The following TANC2 variants were observed in gnomAD, a reference collection of about 807,000 sequenced individuals.
TANC2 encodes tetratricopeptide repeat, ankyrin repeat and coiled-coil containing 2.
Under a neutral mutation model 210.5 loss-of-function variants are expected in TANC2, and 26 were observed. The observed-to-expected ratio is 0.12, with a 90% CI of 0.09 to 0.17. TANC2 has a LOEUF of 0.17. TANC2 is among the 10% of genes least tolerant of loss of function. The pLI is 1.00. For missense variants in TANC2, 2,129 were observed against 2,608.9 expected (o/e 0.82, Z 4.01); for synonymous variants, 931 against 967.1 (o/e 0.96, Z 0.69).
intron 5 of TANC2, among the ~76,000 whole-genome samples, chr17:63,156,420 G>GA (rs11373026): frequency 0.23 from 32,961 of 142,002 alleles, 3,712 homozygotes; most frequent in South Asian, 0.32. Context: ...GGTTGAAATG[G>GA]AAAAAAAAAA....
At chr17:63,139,535 G>A (rs2145295774) in intron 4 of TANC2, among the ~76,000 whole-genome samples, 1 of 152,308 alleles carries the variant, frequency 6.6e-6, no homozygotes, top group Admixed American at 6.5e-5. Context: ...GATCCTGACA[G>A]GTGGAGGTTA....
rs541113886 is a variant in TANC2 at position 63,304,975 on chromosome 17, G to A, written c.1160-9413G>A. ...GCCTGGAGCTATAGAGATGGCTGCC[G>A]CCCATCCCCTGCCCAGGGAGCTTAG... On this transcript the variant is annotated intron_variant, in intron 9 of 27. Coordinates refer to ENST00000689528, the Ensembl canonical transcript of TANC2. Among the ~76,000 whole-genome samples, 5 of 152,328 alleles carry A rather than the reference G, an allele frequency of 3.3e-5. No homozygotes were observed. In the East Asian group the frequency reaches 7.7e-4, roughly 24 times the overall value.
rs551829357 is a variant in TANC2 at position 63,053,504 on chromosome 17, A to G, written c.68-20439A>G. 1.1e-3 allele frequency among the ~76,000 whole-genome samples: 171 copies of G among 152,284 alleles called. 2 individuals carry two copies. The highest frequency in any genetic ancestry group is 3.8e-3 in the African/African-American group (158 of 41,550). ...TATTCTCCCCAGGCTTTCAGCCTCT[A>G]CATGTTCGATTCCACACCAAGTCTT... On this transcript the variant is annotated intron_variant, in intron 2 of 27. Transcript: ENST00000689528.
intron 9 of TANC2, among the ~76,000 whole-genome samples, chr17:63,296,841 C>T (rs1005772961): frequency 1.3e-5 from 2 of 151,380 alleles, no homozygotes; most frequent in East Asian, 1.9e-4. Context: ...ATAGTGAACT[C>T]GAAGATAAAC....
At chr17:63,287,547 T>A (rs1025914207) in intron 9 of TANC2, among the ~76,000 whole-genome samples, 15 of 152,202 alleles carry the variant, frequency 9.9e-5, no homozygotes, top group Non-Finnish European at 1.5e-5. Flanking sequence ...GAAATGTTAT[T>A]TGCAGACAAT....
At chr17:63,215,295 C>T (rs1306148169) in intron 7 of TANC2, among the ~76,000 whole-genome samples, 2 of 152,308 alleles carry the variant, frequency 1.3e-5, no homozygotes, top group East Asian at 3.9e-4. Flanking sequence ...ATTCCATCAA[C>T]CAACTTGACC....
chr17:63,050,538 T>A (rs1289615286), intron 2 of TANC2, among the ~76,000 whole-genome samples: 3 of 151,900 alleles, frequency 2.0e-5, no homozygotes, highest in Non-Finnish European at 4.4e-5. Context: ...TAATACAGAT[T>A]AAAAAGTGAG....
intron 4 of TANC2, among the ~76,000 whole-genome samples, chr17:63,117,633 G>A (rs2038303614): frequency 6.6e-6 from 1 of 152,198 alleles, no homozygotes; most frequent in Admixed American, 6.5e-5. Flanking sequence ...AGAGCTGGCT[G>A]GAGATTAAAG....
rs61618260 is a variant in TANC2 at position 63,332,951 on chromosome 17, C to T, written c.1576-7150C>T. On this transcript the variant is annotated intron_variant, in intron 11 of 27. Coordinates refer to ENST00000689528, the Ensembl canonical transcript of TANC2. ...CATGGTTTACTGATTATTTTAAGCC[C>T]ACTATTGAGATCTACACAGAAAAAA... Among the ~76,000 whole-genome samples the T allele has an allele frequency of 8.2e-3, 616 of 74,938 alleles. 2 individuals are homozygous for T. The highest frequency in any genetic ancestry group is 0.031 in the African/African-American group (581 of 18,850). 49.2% of individuals were successfully genotyped at this position (74,938 alleles called of 152,430 possible).
chr17:63,406,391 T>C, intron 21 of TANC2, 114 bp downstream of exon 21: 2 of 1,475,386 alleles, frequency 1.4e-6, no homozygotes, highest in Non-Finnish European at 1.8e-6. Flanking sequence ...ATCCAGTTGG[T>C]TGGAAAATGA....
At chr17:63,353,807 GT>G (rs1598924387) in intron 13 of TANC2, among the ~76,000 whole-genome samples, 3 of 152,308 alleles carry the variant, frequency 2.0e-5, no homozygotes, top group Admixed American at 1.3e-4. Context: ...GAGATGCGTT[GT>G]GTCAAATATT....
chr17:63,248,670 C>G (rs1480408697), intron 8 of TANC2, among the ~76,000 whole-genome samples: 1 of 152,050 alleles, frequency 6.6e-6, no homozygotes, highest in Non-Finnish European at 1.5e-5. Context: ...CATCTTCTGG[C>G]ATGACCAGGA....
At chr17:63,219,342 C>T (rs1342376117) in intron 7 of TANC2, among the ~76,000 whole-genome samples, 1 of 152,028 alleles carries the variant, frequency 6.6e-6, no homozygotes, top group Non-Finnish European at 1.5e-5. Flanking sequence ...ATTGTAACAT[C>T]CAGATATGTA....
intron 14 of TANC2, among the ~76,000 whole-genome samples, chr17:63,371,564 C>T (rs943028177): frequency 6.6e-6 from 1 of 152,002 alleles, no homozygotes; most frequent in Non-Finnish European, 1.5e-5. Context: ...CTGTGTGACT[C>T]CATATTAGTA....
chr17:63,388,671 C>T, exon 16 of TANC2: 3 of 1,606,946 alleles, frequency 1.9e-6, no homozygotes, highest in Non-Finnish European at 2.6e-6. Context: ...ATCCTCCATC[C>T]TCCAAGGTCT....
At chr17:63,040,968 T>C (rs1008036291) in intron 2 of TANC2, among the ~76,000 whole-genome samples, 1 of 152,202 alleles carries the variant, frequency 6.6e-6, no homozygotes, top group African/African-American at 2.4e-5. Context: ...TAGAAATGTA[T>C]AATGTTTTAT....
intron 9 of TANC2, among the ~76,000 whole-genome samples, chr17:63,306,100 C>T (rs144857155): frequency 5.3e-5 from 8 of 152,248 alleles, no homozygotes; most frequent in African/African-American, 1.9e-4. Flanking sequence ...ATATCCAAAA[C>T]GGAGTGACTG....
chr17:62,985,280 T>G (rs2032512561), intron 1 of TANC2, among the ~76,000 whole-genome samples: 1 of 152,170 alleles, frequency 6.6e-6, no homozygotes. Flanking sequence ...TATATGTGAC[T>G]TGATGTTTTT....
At chr17:63,055,608 T>C (rs989039142) in intron 2 of TANC2, among the ~76,000 whole-genome samples, 1 of 151,920 alleles carries the variant, frequency 6.6e-6, no homozygotes, top group African/African-American at 2.4e-5. Flanking sequence ...TCTATTCTAT[T>C]TCCTGTACTC....
Sources: gnomAD v4.1 joint callset for allele counts (sites outside exome capture counted in the v4.1 genomes callset) on GRCh38, gnomAD v4.1.1 for gene constraint, MANE v1.5 for transcripts, NCBI Gene and HGNC (gene_info 2026-07-23, HGNC 2026-07-21) for gene names.